DNAJB6: variants seen among roughly 807,000 people sequenced by gnomAD.
DNAJB6 encodes the protein DnaJ heat shock protein family (Hsp40) member B6, also known as dnaJ homolog subfamily B member 6.
A neutral mutation model predicts 42.7 loss-of-function variants in DNAJB6; 16 were observed. The observed-to-expected ratio is 0.37, with a 90% CI of 0.25 to 0.57. The LOEUF (loss-of-function observed/expected upper bound fraction) is 0.57, where lower values mean the gene tolerates loss of function less well. Ranked by LOEUF, DNAJB6 falls within the 20% of genes least tolerant of loss-of-function variation. The pLI is 0.74. For missense variants in DNAJB6, 347 were observed against 416.8 expected (o/e 0.83, Z 1.46); for synonymous variants, 170 against 163.5 (o/e 1.04, Z -0.30).
intron 3 of DNAJB6, among the ~76,000 whole-genome samples, chr7:157,363,941 C>T (rs775561562): frequency 4.6e-5 from 7 of 152,082 alleles, no homozygotes; most frequent in Non-Finnish European, 1.0e-4. Flanking sequence ...ACTGGAAAGC[C>T]ACACAGTGCC....
At chr7:157,411,732 A>G (rs1795982415) in intron 9 of DNAJB6, 1 of 139,526 alleles carries the variant, frequency 7.2e-6, no homozygotes, top group South Asian at 2.5e-4. Flanking sequence ...GGCTCCTGGA[A>G]CGGCACCCAC....
chr7:157,347,502 C>T (rs903347437), intron 1 of DNAJB6, among the ~76,000 whole-genome samples: 10 of 152,118 alleles, frequency 6.6e-5, no homozygotes, highest in African/African-American at 1.9e-4. Flanking sequence ...TGACTGTGCT[C>T]GGCTCAGACT....
intron 6 of DNAJB6, among the ~76,000 whole-genome samples, chr7:157,384,610 G>A (rs898900872): frequency 3.9e-5 from 6 of 152,228 alleles, no homozygotes; most frequent in African/African-American, 1.4e-4. Context: ...GTCCCGCGAA[G>A]CTCTGCATGA....
At chr7:157,387,703 C>T (rs1263621025) in intron 8 of DNAJB6, among the ~76,000 whole-genome samples, 1 of 152,168 alleles carries the variant, frequency 6.6e-6, no homozygotes, top group East Asian at 1.9e-4. Flanking sequence ...TTTCATGCAA[C>T]TCTAGCTGTG....
intron 8 of DNAJB6, among the ~76,000 whole-genome samples, chr7:157,404,195 T>C (rs922876162): frequency 1.4e-4 from 21 of 151,706 alleles, no homozygotes; most frequent in Admixed American, 2.6e-4. Context: ...TCTCAAACTC[T>C]TGGGCCCAAG....
At chr7:157,369,320 TTGC>T (rs1799998188) in intron 5 of DNAJB6, 1 of 456,762 alleles carries the variant, frequency 2.2e-6, no homozygotes, top group East Asian at 6.9e-5. Context: ...CCTTTGCATC[TTGC>T]TGTAGCCTTC....
Position 157,352,797 on chromosome 7 carries a change from C to T in DNAJB6, c.-26-5750C>T, listed in dbSNP as rs1033731678. ...AACAACCATGGAAGTGGATGTCACC[C>T]ACTTCACAGGGTGGGGAAGCAACCA... On this transcript the variant is annotated intron_variant, in intron 1 of 9. Coordinates refer to ENST00000262177, the MANE Select transcript of DNAJB6 (RefSeq NM_058246.4). 3.9e-5 allele frequency among the ~76,000 whole-genome samples: 6 copies of T among 152,272 alleles called. No individual in the cohort carries two copies. In the East Asian group the frequency reaches 7.7e-4, roughly 20 times the overall value.
At chr7:157,383,059 G>A (rs1800867623) in intron 6 of DNAJB6, among the ~76,000 whole-genome samples, 1 of 152,110 alleles carries the variant, frequency 6.6e-6, no homozygotes, top group Non-Finnish European at 1.5e-5. Flanking sequence ...CACTCTTAGT[G>A]TAGTGGCACG....
In DNAJB6 at chr7:157,416,460, CTGAG is replaced by C. The variant is rs1796109091; in HGVS notation, c.*364_*367del. On this transcript the variant is annotated 3_prime_UTR_variant, in exon 10 of 10. Coordinates refer to ENST00000262177, the MANE Select transcript of DNAJB6 (RefSeq NM_058246.4). The stretch of plus-strand genomic sequence containing the variant: ...AGTACAGGAGGGCGCAGATGGCTAA[CTGAG>C]TAACATTCATGAAATGAGGCTTTCT... 4.5e-6 allele frequency: 1 copy of C among 220,376 alleles called. No individual in the cohort carries two copies. The highest frequency in any genetic ancestry group is 9.0e-6 in the Non-Finnish European group (1 of 111,058). The allele number at this position is 220,376 out of a possible 1,614,324, so 13.7% of individuals were successfully genotyped here.
intron 1 of DNAJB6, among the ~76,000 whole-genome samples, chr7:157,340,576 C>T (rs546781843): frequency 6.6e-6 from 1 of 151,844 alleles, no homozygotes; most frequent in East Asian, 1.9e-4. Flanking sequence ...TTTTGTCAAA[C>T]AAAACCCTTT....
intron 8 of DNAJB6, among the ~76,000 whole-genome samples, chr7:157,401,192 G>A (rs1031845997): frequency 1.3e-5 from 2 of 152,070 alleles, no homozygotes; most frequent in Non-Finnish European, 2.9e-5. Flanking sequence ...CTCTTCAGTC[G>A]TGTACATGAT....
rs1563136940 is a variant in DNAJB6, at chr7:157,382,261, ACTT to A, written c.366_368del (p.Phe123del). ...TTGATTTTAGAAGACCCTTTTGAGGACTTCTTTGGGAATCGAAGGGGTCCCCGA... is the reference window on the plus strand; with the variant it reads ...TTGATTTTAGAAGACCCTTTTGAGGACTTTGGGAATCGAAGGGGTCCCCGA... On this transcript the variant is annotated inframe_deletion, in exon 6 of 10. Coordinates refer to ENST00000262177, the MANE Select transcript of DNAJB6 (RefSeq NM_058246.4). 3.1e-6 allele frequency: 5 copies of A among 1,601,178 alleles called. No homozygotes were observed. The highest frequency in any genetic ancestry group is 1.4e-5 in the African/African-American group (1 of 73,754).
chr7:157,339,599 T>G (rs563300606), intron 1 of DNAJB6, among the ~76,000 whole-genome samples: 86 of 116,110 alleles, frequency 7.4e-4, no homozygotes, highest in East Asian at 6.5e-3. Flanking sequence ...GCGCCCGGCC[T>G]TTTGTGTGTG....
chr7:157,396,304 C>T (rs562779390), intron 8 of DNAJB6, among the ~76,000 whole-genome samples: 173 of 152,318 alleles, frequency 1.1e-3, no homozygotes, highest in Admixed American at 2.6e-3. Flanking sequence ...ATCCCTCCAG[C>T]GCCTCAGCCT....
chr7:157,407,171 G>T (rs1795803355), intron 8 of DNAJB6, among the ~76,000 whole-genome samples: 1 of 151,978 alleles, frequency 6.6e-6, no homozygotes. Context: ...GCTTCCCAGA[G>T]CCAGGATGAG....
chr7:157,338,621 A>T (rs985111498), intron 1 of DNAJB6, among the ~76,000 whole-genome samples: 1 of 151,990 alleles, frequency 6.6e-6, no homozygotes. Flanking sequence ...GGCGCGAGCC[A>T]CCGCGCCTCG....
At chr7:157,384,618 TGAG>T (rs1800957884) in intron 6 of DNAJB6, among the ~76,000 whole-genome samples, 1 of 152,286 alleles carries the variant, frequency 6.6e-6, no homozygotes, top group South Asian at 2.1e-4. Flanking sequence ...AAGCTCTGCA[TGAG>T]GAGAGGGGGA....
At chr7:157,392,829 G>T (rs1801412269) in intron 8 of DNAJB6, among the ~76,000 whole-genome samples, 2 of 152,132 alleles carry the variant, frequency 1.3e-5, no homozygotes, top group African/African-American at 2.4e-5. Flanking sequence ...ATGTAGGTGT[G>T]CACATTTCCT....
chr7:157,382,484 G>A (rs529491884), intron 6 of DNAJB6, 107 bp downstream of exon 6: 13 of 1,264,074 alleles, frequency 1.0e-5, no homozygotes, highest in South Asian at 3.3e-5. Flanking sequence ...TATACCTTTC[G>A]TAGAATAGCA....
Sources: allele counts gnomAD v4.1 joint callset (sites outside exome capture counted in the v4.1 genomes callset), GRCh38; gene constraint gnomAD v4.1.1; transcripts MANE v1.5; gene names NCBI Gene and HGNC (gene_info 2026-07-23, HGNC 2026-07-21).